The following PRKCH variants were observed in gnomAD, a reference collection of about 807,000 sequenced individuals.
PRKCH encodes the protein protein kinase C eta.
A neutral mutation model predicts 82.5 loss-of-function variants in PRKCH; 28 were observed. That is an observed-to-expected ratio of 0.34 (90% CI 0.25 to 0.47). The LOEUF is 0.47. Ranked by LOEUF, PRKCH falls within the 20% of genes least tolerant of loss-of-function variation. PRKCH has a pLI of 1.00. For synonymous variants in PRKCH, 322 were observed against 327.4 expected, an observed-to-expected ratio of 0.98 and a Z score of 0.18; for missense variants, 705 against 881.8, an observed-to-expected ratio of 0.80 and a Z score of 2.54.
intron 1 of PRKCH, among the ~76,000 whole-genome samples, chr14:61,234,620 T>G (rs1325039362): frequency 6.6e-6 from 1 of 152,254 alleles, no homozygotes; most frequent in Non-Finnish European, 1.5e-5. Flanking sequence ...ACTATTACTC[T>G]GAGAAGGATA....
rs776544635 is a variant in PRKCH, at chr14:61,450,828, T to C, written c.703-14T>C. The C allele has an allele frequency of 1.2e-6, 2 of 1,611,412 alleles. No homozygotes were observed. Among genetic ancestry groups the C allele is most frequent in the Non-Finnish European group, 1.7e-6 (2 of 1,178,770 alleles). On this transcript the variant is annotated splice_polypyrimidine_tract_variant and intron_variant, in intron 5 of 13. Coordinates refer to ENST00000332981, the MANE Select transcript of PRKCH (RefSeq NM_006255.5). The stretch of plus-strand genomic sequence containing the variant: ...GACATTTTAGCTCTTGTCCCTTTAT[T>C]TCCTTTTTTACAGATTGCAGAACAG...
chr14:61,273,095 A>G (rs2045172606), intron 1 of PRKCH, among the ~76,000 whole-genome samples: 1 of 152,200 alleles, frequency 6.6e-6, no homozygotes, highest in Non-Finnish European at 1.5e-5. Flanking sequence ...TTCCTGATGT[A>G]TTGAAGTAAT....
chr14:61,210,233 G>A (rs1213918181), intron 1 of PRKCH, among the ~76,000 whole-genome samples: 2 of 148,718 alleles, frequency 1.3e-5, no homozygotes, highest in African/African-American at 2.5e-5. Flanking sequence ...AGAACTGCTT[G>A]AACCCGGGAG....
intron 1 of PRKCH, among the ~76,000 whole-genome samples, chr14:61,311,883 G>A (rs563931719): frequency 3.3e-4 from 51 of 152,300 alleles, no homozygotes; most frequent in Middle Eastern, 3.4e-3. Flanking sequence ...ATCCTACATG[G>A]CAGCAGGTGA....
At chr14:61,370,434 C>T (rs1338286468) in intron 1 of PRKCH, among the ~76,000 whole-genome samples, 1 of 151,986 alleles carries the variant, frequency 6.6e-6, no homozygotes, top group African/African-American at 2.4e-5. Flanking sequence ...GGGGTGGGGC[C>T]TGCATTTGTA....
intron 2 of PRKCH, among the ~76,000 whole-genome samples, chr14:61,431,918 T>C (rs1047420851): frequency 9.2e-5 from 14 of 152,232 alleles, no homozygotes; most frequent in Non-Finnish European, 1.9e-4. Context: ...TTCTACTTTT[T>C]CTACCTATGT....
chr14:61,352,851 G>A (rs967400231), intron 1 of PRKCH, among the ~76,000 whole-genome samples: 1 of 152,172 alleles, frequency 6.6e-6, no homozygotes, highest in East Asian at 1.9e-4. Context: ...GGCCTGCATC[G>A]TTAATTTGAA....
At chr14:61,464,183 A>G (rs1388599731) in intron 9 of PRKCH, among the ~76,000 whole-genome samples, 4 of 152,220 alleles carry the variant, frequency 2.6e-5, no homozygotes, top group Non-Finnish European at 5.9e-5. Context: ...CATTCCCACC[A>G]ACAGTGTACA....
chr14:61,339,160 G>A (rs1418476287), intron 1 of PRKCH, among the ~76,000 whole-genome samples: 1 of 151,292 alleles, frequency 6.6e-6, no homozygotes, highest in Non-Finnish European at 1.5e-5. Flanking sequence ...TTCTGCTTGG[G>A]CCATTGTTTA....
At chr14:61,404,337 C>T (rs1246665886) in intron 2 of PRKCH, among the ~76,000 whole-genome samples, 2 of 152,110 alleles carry the variant, frequency 1.3e-5, no homozygotes. Context: ...AAACTTAGTT[C>T]TCATAGGATT....
chr14:61,435,387 G>C (rs1261074637), intron 2 of PRKCH, among the ~76,000 whole-genome samples: 1 of 152,208 alleles, frequency 6.6e-6, no homozygotes, highest in African/African-American at 2.4e-5. Flanking sequence ...CTCTAAGGTT[G>C]TTTGAGTGAC....
intron 1 of PRKCH, among the ~76,000 whole-genome samples, chr14:61,231,436 C>T (rs964328244): frequency 2.3e-4 from 35 of 150,360 alleles, no homozygotes; most frequent in African/African-American, 7.4e-4. Flanking sequence ...GATCTCGGCT[C>T]ACTGCAAGCT....
intron 9 of PRKCH, among the ~76,000 whole-genome samples, chr14:61,484,383 C>T (rs3783774): frequency 6.7e-6 from 1 of 148,594 alleles, no homozygotes; most frequent in Non-Finnish European, 1.5e-5. Context: ...CTATGGGATC[C>T]CGGCTCCGAA....
At chr14:61,512,975 C>A (rs1358370902) in intron 10 of PRKCH, among the ~76,000 whole-genome samples, 1 of 152,092 alleles carries the variant, frequency 6.6e-6, no homozygotes, top group African/African-American at 2.4e-5. Context: ...CACCACCACA[C>A]CCAGCTAGTT....
At chr14:61,540,635 A>C (rs532996072) in intron 12 of PRKCH, among the ~76,000 whole-genome samples, 1 of 152,368 alleles carries the variant, frequency 6.6e-6, no homozygotes, top group East Asian at 1.9e-4. Context: ...TGCAGCATAC[A>C]TATATGGTAG....
intron 1 of PRKCH, among the ~76,000 whole-genome samples, chr14:61,374,659 C>G (rs2046407523): frequency 6.6e-6 from 1 of 152,010 alleles, no homozygotes; most frequent in Non-Finnish European, 1.5e-5. Flanking sequence ...TACATTGGCC[C>G]CTTTTAGCCA....
intron 1 of PRKCH, among the ~76,000 whole-genome samples, chr14:61,194,802 C>T (rs944512914): frequency 3.3e-5 from 5 of 152,162 alleles, no homozygotes; most frequent in African/African-American, 1.2e-4. Flanking sequence ...GGGGCGACCT[C>T]GGCTCACTGC....
At chr14:61,456,827 G>C (rs775394824) in intron 7 of PRKCH, 81 of 198,744 alleles carry the variant, frequency 4.1e-4, no homozygotes, top group Admixed American at 6.9e-4. Flanking sequence ...GTGGACACTA[G>C]GTGGCGCTCG....
At chr14:61,218,961 G>T (rs1384181881) in intron 1 of PRKCH, among the ~76,000 whole-genome samples, 1 of 152,172 alleles carries the variant, frequency 6.6e-6, no homozygotes, top group Admixed American at 6.5e-5. Flanking sequence ...GGCTTCCACC[G>T]CAGCCTTGGC....
Sources: gnomAD v4.1 joint callset for allele counts (sites outside exome capture counted in the v4.1 genomes callset) on GRCh38, gnomAD v4.1.1 for gene constraint, MANE v1.5 for transcripts, NCBI Gene and HGNC (gene_info 2026-07-23, HGNC 2026-07-21) for gene names.